Variants in FMN2 observed in about 807,000 individuals in gnomAD.
FMN2 encodes the protein formin-2.
In FMN2, 51 loss-of-function variants were observed where a neutral mutation model predicts 142.3. That is an observed-to-expected ratio of 0.36 (90% CI 0.29 to 0.45). The LOEUF (loss-of-function observed/expected upper bound fraction) is 0.45. Among genes scored for constraint, FMN2 ranks in the 20% least tolerant of loss-of-function variants. FMN2 has a pLI of 1.00. For missense variants in FMN2, 1,936 were observed against 2,122.8 expected (o/e 0.91, Z 1.73); for synonymous variants, 882 against 869.8 (o/e 1.01, Z -0.25).
At chr1:240,202,139 C>A (rs1666149365) in intron 4 of FMN2, among the ~76,000 whole-genome samples, 1 of 152,100 alleles carries the variant, frequency 6.6e-6, no homozygotes, top group Non-Finnish European at 1.5e-5. Context: ...AGGGAGTCTG[C>A]AAATGTAGTT....
chr1:240,391,466 C>G (rs559583775), intron 14 of FMN2, among the ~76,000 whole-genome samples: 1 of 152,280 alleles, frequency 6.6e-6, no homozygotes, highest in East Asian at 1.9e-4. Context: ...CCCTGCTCCA[C>G]TGTGTCTCCT....
intron 2 of FMN2, among the ~76,000 whole-genome samples, chr1:240,176,032 C>T (rs1664898292): frequency 6.6e-6 from 1 of 152,080 alleles, no homozygotes; most frequent in African/African-American, 2.4e-5. Context: ...TCCTTTGATG[C>T]ACGGAAGTTT....
intron 14 of FMN2, among the ~76,000 whole-genome samples, chr1:240,391,257 A>G (rs983607514): frequency 2.6e-5 from 4 of 152,204 alleles, no homozygotes; most frequent in African/African-American, 4.8e-5. Context: ...ATCCTGGCAA[A>G]GAGTGGCAAC....
At chr1:240,128,224 C>T (rs1662590422) in intron 2 of FMN2, among the ~76,000 whole-genome samples, 1 of 152,100 alleles carries the variant, frequency 6.6e-6, no homozygotes, top group Admixed American at 6.5e-5. Context: ...GTATTTGGAA[C>T]CTACTCTAGT....
At chr1:240,451,584 C>A (rs771367378) in intron 16 of FMN2, among the ~76,000 whole-genome samples, 16 of 151,996 alleles carry the variant, frequency 1.1e-4, no homozygotes, top group Non-Finnish European at 1.0e-4. Flanking sequence ...TTAGAGAGGC[C>A]CAACTGCCTG....
At chr1:240,397,369 C>T (rs1673815631) in intron 15 of FMN2, among the ~76,000 whole-genome samples, 1 of 152,128 alleles carries the variant, frequency 6.6e-6, no homozygotes, top group Non-Finnish European at 1.5e-5. Flanking sequence ...AGTCTAGAGA[C>T]AGAATTCTTT....
At chr1:240,122,061 A>AT (rs1662290091) in intron 1 of FMN2, among the ~76,000 whole-genome samples, 2 of 85,040 alleles carry the variant, frequency 2.4e-5, no homozygotes, top group African/African-American at 5.7e-5. Flanking sequence ...TTTTGGATCC[A>AT]AAATTAATTA....
At chr1:240,468,069 GTTAAAATGAGCCTATCACAGATGTCATC>G (rs1676678769) in intron 16 of FMN2, among the ~76,000 whole-genome samples, 1 of 152,138 alleles carries the variant, frequency 6.6e-6, no homozygotes, top group African/African-American at 2.4e-5. Flanking sequence ...AGTTGCAACT[GTTAAAATGAGCCTATCACAGATGTCATC>G]TTAAAATTTT....
At chr1:240,355,153 A>G (rs76342508) in intron 13 of FMN2, among the ~76,000 whole-genome samples, 12,355 of 152,200 alleles carry the variant, frequency 0.081, 574 homozygotes, top group East Asian at 0.15. Context: ...TGGGCAAATT[A>G]GTGCCTTATT....
chr1:240,285,263 A>T (rs1242389227), intron 7 of FMN2: 2 of 455,438 alleles, frequency 4.4e-6, no homozygotes, highest in East Asian at 1.4e-4. Flanking sequence ...GATGTGTTGG[A>T]TGTGGAAGGT....
intron 11 of FMN2, 71 bp from the exon 12 acceptor site, chr1:240,333,816 C>A: frequency 8.3e-7 from 1 of 1,208,054 alleles, no homozygotes. Flanking sequence ...TCACTAGAAT[C>A]TTTTTTGGTA....
At position 240,461,879 on chromosome 1, in the gene FMN2, G is replaced by A. The variant is rs181122523; in HGVS notation, c.5061-10493G>A. On this transcript the variant is annotated intron_variant, in intron 16 of 17. Transcript: ENST00000319653. ...ATGCCCACTGTCTCTGCACACCACT[G>A]CCCCACTGTAAATAGTCATTTTCTT... Among the ~76,000 whole-genome samples the A allele has an allele frequency of 8.1e-3, 1,229 of 152,164 alleles. 8 individuals are homozygous for A. Among genetic ancestry groups the A allele is most frequent in the Non-Finnish European group, 0.013 (865 of 68,000 alleles).
chr1:240,441,056 G>A (rs908870256), intron 16 of FMN2, among the ~76,000 whole-genome samples: 22 of 148,032 alleles, frequency 1.5e-4, no homozygotes, highest in African/African-American at 4.0e-4. Context: ...GTGCGGTGGC[G>A]CGATCTTGGC....
chr1:240,172,526 T>C (rs1364450011), intron 2 of FMN2, among the ~76,000 whole-genome samples: 1 of 152,160 alleles, frequency 6.6e-6, no homozygotes, highest in African/African-American at 2.4e-5. Flanking sequence ...TATCACCATG[T>C]AATTTTCATA....
chr1:240,440,819 G>A (rs1286751741), intron 16 of FMN2, among the ~76,000 whole-genome samples: 1 of 152,044 alleles, frequency 6.6e-6, no homozygotes, highest in East Asian at 1.9e-4. Context: ...TCCTTAGTGA[G>A]GGACCAGCTA....
intron 16 of FMN2, among the ~76,000 whole-genome samples, chr1:240,469,327 C>T (rs1299467653): frequency 3.3e-5 from 5 of 152,060 alleles, no homozygotes; most frequent in African/African-American, 9.7e-5. Flanking sequence ...TCTCCTGCTC[C>T]GAAATTAGAA....
Position 240,472,357 on chromosome 1 carries a change from T to A in FMN2, c.5061-15T>A, listed in dbSNP as rs532449129. On this transcript the variant is annotated splice_polypyrimidine_tract_variant and intron_variant, in intron 16 of 17. Transcript: ENST00000319653. ...AGTAGGTTTTGTTTAAATACATGTG[T>A]CTTCTCCCCATCAGAGTAAAAGAAG... 6.2e-7 allele frequency: 1 copy of A among 1,601,660 alleles called. No individual in the cohort carries two copies. The highest frequency in any genetic ancestry group is 8.5e-7 in the Non-Finnish European group (1 of 1,172,938).
intron 6 of FMN2, among the ~76,000 whole-genome samples, chr1:240,233,024 CT>C (rs1461007068): frequency 6.6e-6 from 1 of 152,148 alleles, no homozygotes; most frequent in Non-Finnish European, 1.5e-5. Context: ...GTTGCCCACG[CT>C]TTTAAAAAAT....
rs556190554 is a variant in FMN2 at position 240,110,120 on chromosome 1, G to A, written c.1616-13059G>A. ...TGTTAGCCCCTGCAGGGCACAGACCGCATGGTCTGTTTCTTTTATATCCGA... is the reference window on the plus strand; with the variant it reads ...TGTTAGCCCCTGCAGGGCACAGACCACATGGTCTGTTTCTTTTATATCCGA... On this transcript the variant is annotated intron_variant, in intron 1 of 17. Transcript: ENST00000319653. 5.9e-5 allele frequency among the ~76,000 whole-genome samples: 9 copies of A among 152,302 alleles called. No individual in the cohort carries two copies. In the South Asian group the frequency reaches 1.5e-3, roughly 25 times the overall value.
Sources: allele counts gnomAD v4.1 joint callset (sites outside exome capture counted in the v4.1 genomes callset), GRCh38; gene constraint gnomAD v4.1.1; transcripts MANE v1.5; gene names NCBI Gene and HGNC (gene_info 2026-07-23, HGNC 2026-07-21).